The following CBL variants were observed in gnomAD, a reference collection of about 807,000 sequenced individuals.
CBL encodes the protein E3 ubiquitin-protein ligase CBL.
A neutral mutation model predicts 96.9 loss-of-function variants in CBL; 45 were observed. The ratio of observed to expected loss-of-function variants is 0.46; its 90% CI spans 0.37 to 0.60. The LOEUF (loss-of-function observed/expected upper bound fraction) is 0.60, where lower values mean the gene tolerates loss of function less well. CBL is among the 20% of genes least tolerant of loss of function. CBL has a pLI of 0.00. For synonymous variants in CBL, 420 were observed against 426.8 expected (o/e 0.98, Z 0.20); for missense variants, 1,024 against 1,143.5 (o/e 0.90, Z 1.51).
chr11:119,284,871 A>C lies in CBL; in HGVS notation c.1432-98A>C. 2.1e-6 allele frequency: 3 copies of C among 1,445,990 alleles called. 1 individual carries two copies. The South Asian group carries it at 3.4e-5, about 17-fold the overall frequency. The allele number at this position is 1,445,990 out of a possible 1,614,324, so 89.6% of individuals were successfully genotyped here. A position where few individuals can be genotyped will look rare whatever the true frequency, so the allele number is the denominator to read the frequency against. On this transcript the variant is annotated intron_variant, in intron 9 of 15. Coordinates refer to ENST00000264033, the MANE Select transcript of CBL (RefSeq NM_005188.4). ...CTAGGTCTGGCCCATTTGTAGTTTA[A>C]GTGTTCCCATGGTATTTGCCATCCA...
chr11:119,271,896 A>G lies in CBL; in HGVS notation c.590+15A>G. 6.2e-7 allele frequency: 1 copy of G among 1,612,800 alleles called. No homozygotes were observed. The highest frequency in any genetic ancestry group is 8.5e-7 in the Non-Finnish European group (1 of 1,178,928). ...TTTGGGGAAAAGTAAGTCTCAGAAT[A>G]ATGAATTTGAACTATGAAAAACTAA... On this transcript the variant is annotated intron_variant, in intron 3 of 15. Coordinates refer to ENST00000264033, the MANE Select transcript of CBL (RefSeq NM_005188.4).
rs1454105118 is a variant in CBL, at chr11:119,297,376, T to C, written c.2154-8T>C. On this transcript the variant is annotated splice_region_variant and splice_polypyrimidine_tract_variant and intron_variant, in intron 13 of 15. Transcript: ENST00000264033. Reference sequence around the variant, plus strand: ...AAAGATCATTATGGCACTTTCCTTCTGGTTCAGAGCATGTGATTGCGACCA... The same window carrying C: ...AAAGATCATTATGGCACTTTCCTTCCGGTTCAGAGCATGTGATTGCGACCA... 6.2e-7 allele frequency: 1 copy of C among 1,603,666 alleles called. No individual in the cohort carries two copies. Among genetic ancestry groups the C allele is most frequent in the East Asian group, 2.2e-5 (1 of 44,844 alleles).
chr11:119,230,797 G>A (rs1949496773), intron 1 of CBL, among the ~76,000 whole-genome samples: 1 of 152,140 alleles, frequency 6.6e-6, no homozygotes, highest in Non-Finnish European at 1.5e-5. Flanking sequence ...CCACTAGTTT[G>A]TCCACAGAAA....
chr11:119,249,165 A>C (rs1383297937), intron 2 of CBL, among the ~76,000 whole-genome samples: 5 of 152,240 alleles, frequency 3.3e-5, no homozygotes, highest in Admixed American at 3.3e-4. Context: ...CAGTTTTCAC[A>C]ACAGCCAAAA....
chr11:119,273,301 C>G (rs576324018), intron 3 of CBL, among the ~76,000 whole-genome samples: 2 of 152,310 alleles, frequency 1.3e-5, no homozygotes, highest in Admixed American at 1.3e-4. Context: ...GGCACAGTGG[C>G]TCACTCCTGT....
chr11:119,270,505 G>C (rs1048616587), intron 2 of CBL, among the ~76,000 whole-genome samples: 3 of 128,496 alleles, frequency 2.3e-5, no homozygotes, highest in African/African-American at 8.7e-5. Context: ...GGAGTGCAGT[G>C]GCGGGATCTC....
intron 12 of CBL, chr11:119,289,547 AT>A (rs61590090): frequency 0.24 from 32,554 of 133,176 alleles, 3,456 homozygotes; most frequent in East Asian, 0.35. Context: ...TCACTCCTCT[AT>A]TTTTTTTTTT....
chr11:119,244,694 G>A (rs1949612930), intron 2 of CBL, among the ~76,000 whole-genome samples: 1 of 151,256 alleles, frequency 6.6e-6, no homozygotes, highest in Non-Finnish European at 1.5e-5. Context: ...CCATTCTCCT[G>A]TCTCAACCTC....
intron 1 of CBL, among the ~76,000 whole-genome samples, chr11:119,216,982 A>AT (rs1358366840): frequency 6.6e-6 from 1 of 152,270 alleles, no homozygotes; most frequent in Admixed American, 6.5e-5. Flanking sequence ...ACTGACAAGT[A>AT]AGAACTAATA....
chr11:119,220,917 T>G (rs941244715), intron 1 of CBL, among the ~76,000 whole-genome samples: 7 of 151,918 alleles, frequency 4.6e-5, no homozygotes, highest in African/African-American at 1.7e-4. Context: ...TTTTTTTTCC[T>G]GTGATCAGTT....
Position 119,299,381 on chromosome 11 carries a change from A to C in CBL, c.2435-114A>C, listed in dbSNP as rs1401281456. 3.1e-6 allele frequency: 3 copies of C among 958,034 alleles called. No individual in the cohort carries two copies. In the African/African-American group the frequency reaches 4.9e-5, roughly 16 times the overall value. The allele number at this position is 958,034 out of a possible 1,614,324, so 59.3% of individuals were successfully genotyped here. The stretch of plus-strand genomic sequence containing the variant: ...ACCCAGCCTTGTGACTGAAGAGCAC[A>C]TGTACCCAGTTTACAGGAAGTCAGT... On this transcript the variant is annotated intron_variant, in intron 15 of 15. Transcript: ENST00000264033.
In CBL at chr11:119,276,067, A is replaced by G; in HGVS notation, c.940A>G (p.Ile314Val). 6.2e-7 allele frequency: 1 copy of G among 1,614,070 alleles called. No homozygotes were observed. The highest frequency in any genetic ancestry group is 8.5e-7 in the Non-Finnish European group (1 of 1,179,978). ...TGGGTATGTTACTGCTGATGGGAAC[A>G]TTCTCCAGACAATCCCTCACAATAA... Reference protein sequence around the residue: ...AIGYVTADGNILQTIPHNKPL... With the variant: ...AIGYVTADGNVLQTIPHNKPL... The change falls in exon 6 of 16, where the codon ATT becomes GTT. Residue 314 changes from isoleucine (I) to valine (V), a missense_variant. Ile to Val is a conservative substitution (Grantham distance 29). This residue lies in a region of CBL where 192 missense variants were observed against 321.8 expected (regional missense o/e 0.60). Transcript: ENST00000264033.
chr11:119,307,431 C>T lies in CBL; in HGVS notation c.*7650C>T, dbSNP rs928202814. On this transcript the variant is annotated 3_prime_UTR_variant, in exon 16 of 16. Coordinates refer to ENST00000264033, the MANE Select transcript of CBL (RefSeq NM_005188.4). ...ATCCTGAACTGGTCTAGACCTCCTGCCCCCACCCCCCAGCCCCCATCAGAT... is the reference window on the plus strand; with the variant it reads ...ATCCTGAACTGGTCTAGACCTCCTGTCCCCACCCCCCAGCCCCCATCAGAT... The T allele has an allele frequency of 4.3e-6, 1 of 232,472 alleles. No homozygotes were observed. Among genetic ancestry groups the T allele is most frequent in the East Asian group, 6.1e-5 (1 of 16,422 alleles). The allele number at this position is 232,472 out of a possible 1,614,324, so 14.4% of individuals were successfully genotyped here.
At chr11:119,286,228 G>A (rs1949983664) in intron 11 of CBL, among the ~76,000 whole-genome samples, 1 of 152,136 alleles carries the variant, frequency 6.6e-6, no homozygotes, top group African/African-American at 2.4e-5. Context: ...TGAACCTGGA[G>A]GCAGAGGTTG....
chr11:119,227,036 G>A (rs1478687223), intron 1 of CBL, among the ~76,000 whole-genome samples: 1 of 152,074 alleles, frequency 6.6e-6, no homozygotes, highest in African/African-American at 2.4e-5. Flanking sequence ...TTGATGGTAC[G>A]GTGGTTTGAT....
At chr11:119,283,930 C>T (rs1351407247) in intron 9 of CBL, among the ~76,000 whole-genome samples, 1 of 152,082 alleles carries the variant, frequency 6.6e-6, no homozygotes, top group Non-Finnish European at 1.5e-5. Flanking sequence ...AGCCACCACG[C>T]CTGGCCTTAA....
intron 1 of CBL, among the ~76,000 whole-genome samples, chr11:119,226,978 A>G (rs1259063108): frequency 1.3e-5 from 2 of 152,098 alleles, no homozygotes; most frequent in African/African-American, 4.8e-5. Flanking sequence ...CTATTCTTCA[A>G]ACAAATCTCA....
chr11:119,255,980 CTGCCTTGGCCTTGCACAG>C (rs1949708047), intron 2 of CBL, among the ~76,000 whole-genome samples: 3 of 151,596 alleles, frequency 2.0e-5, no homozygotes, highest in African/African-American at 7.3e-5. Context: ...AGCAGTCCTC[CTGCCTTGGCCTTGCACAG>C]TGCTGGGATT....
Position 119,206,565 on chromosome 11 carries a change from A to G in CBL, c.148A>G (p.Thr50Ala). ...HHHLSPHPPG[T>A]VDKKMVEKCW... ...CCACCTCAGCCCCCACCCGCCGGGG[A>G]CGGTGGACAAGAAGATGGTGGAGAA... is the stretch of plus-strand genomic sequence containing the variant. The change falls in exon 1 of 16, where the codon ACG becomes GCG. Residue 50 changes from threonine (T) to alanine (A), a missense_variant. Thr to Ala is a moderately conservative substitution (Grantham distance 58, BLOSUM62 0). Coordinates refer to ENST00000264033, the MANE Select transcript of CBL (RefSeq NM_005188.4). 1 of 1,549,412 alleles carries G rather than the reference A, an allele frequency of 6.5e-7. No homozygotes were observed. The highest frequency in any genetic ancestry group is 2.4e-5 in the East Asian group (1 of 40,896).
Sources: gnomAD v4.1 joint callset for allele counts (sites outside exome capture counted in the v4.1 genomes callset) on GRCh38, gnomAD v4.1.1 for gene constraint, gnomAD v4.1.1 regional missense constraint, MANE v1.5 for transcripts, NCBI Gene and HGNC (gene_info 2026-07-23, HGNC 2026-07-21) for gene names.